PDCD6IP: variants seen among roughly 807,000 people sequenced by gnomAD.
PDCD6IP encodes programmed cell death 6 interacting protein.
A neutral mutation model predicts 103.7 loss-of-function variants in PDCD6IP; 43 were observed. The ratio of observed to expected loss-of-function variants is 0.41; its 90% CI spans 0.32 to 0.53. The LOEUF (loss-of-function observed/expected upper bound fraction) is 0.53, where lower values mean the gene tolerates loss of function less well. PDCD6IP is among the 20% of genes least tolerant of loss of function. The probability of loss-of-function intolerance (pLI) is 0.16; values close to 1 mark genes in which losing one functional copy is unlikely to be tolerated. For synonymous variants in PDCD6IP, 354 were observed against 378.7 expected (o/e 0.93, Z 0.76); for missense variants, 871 against 1,036.7 (o/e 0.84, Z 2.20).
rs1327449115 is a variant in PDCD6IP, at chr3:33,867,946, A to G, written c.*1421A>G. The G allele has an allele frequency of 1.3e-5, 2 of 152,328 alleles. No individual in the cohort carries two copies. The highest frequency in any genetic ancestry group is 2.9e-5 in the Non-Finnish European group (2 of 68,024). 9.4% of individuals were successfully genotyped at this position (152,328 alleles called of 1,614,324 possible). ...ATATTTTAAATGTTCGAATGAAAGT[A>G]TGATTGTAAAAGGGAGTGAATTGGT... On this transcript the variant is annotated 3_prime_UTR_variant, in exon 18 of 18. Coordinates refer to ENST00000307296, the MANE Select transcript of PDCD6IP (RefSeq NM_013374.6).
intron 12 of PDCD6IP, among the ~76,000 whole-genome samples, chr3:33,847,679 T>C (rs1003207652): frequency 7.9e-5 from 12 of 152,368 alleles, no homozygotes; most frequent in Middle Eastern, 3.4e-3. Flanking sequence ...TGGTTACTTA[T>C]TTTCAGTCTC....
Position 33,869,463 on chromosome 3 carries a change from A to G in PDCD6IP, c.*2938A>G, listed in dbSNP as rs1698139555. On this transcript the variant is annotated 3_prime_UTR_variant, in exon 18 of 18. Coordinates refer to ENST00000307296, the MANE Select transcript of PDCD6IP (RefSeq NM_013374.6). ...TTAAGATTTACTTGGAAGAGCAAAG[A>G]AGGAAAAATTATATTTTTAAAGAAA... 6.6e-6 allele frequency: 1 copy of G among 152,236 alleles called. No homozygotes were observed. The highest frequency in any genetic ancestry group is 2.4e-5 in the African/African-American group (1 of 41,450). The allele number at this position is 152,236 out of a possible 1,614,324, so 9.4% of individuals were successfully genotyped here. A position where few individuals can be genotyped will look rare whatever the true frequency, so the allele number is the denominator to read the frequency against.
At chr3:33,861,000 T>TAA (rs202127648) in intron 15 of PDCD6IP, among the ~76,000 whole-genome samples, 1 of 146,276 alleles carries the variant, frequency 6.8e-6, no homozygotes. Context: ...TAGCCGTAGT[T>TAA]AAAAAAAAAA....
chr3:33,818,097 GTTTTTTTTTTT>G (rs756780125), intron 3 of PDCD6IP, among the ~76,000 whole-genome samples: 11 of 68,084 alleles, frequency 1.6e-4, no homozygotes, highest in East Asian at 5.2e-4. Flanking sequence ...TTTCATTCTT[GTTTTTTTTTTT>G]TTTTTTTTTT....
intron 1 of PDCD6IP, among the ~76,000 whole-genome samples, chr3:33,799,743 A>G (rs1477916758): frequency 2.0e-5 from 3 of 152,202 alleles, no homozygotes; most frequent in Non-Finnish European, 2.9e-5. Context: ...TCCGTATAGT[A>G]TATTCTACTT....
At chr3:33,859,862 G>T (rs886394115) in intron 15 of PDCD6IP, among the ~76,000 whole-genome samples, 3 of 152,194 alleles carry the variant, frequency 2.0e-5, no homozygotes, top group South Asian at 4.1e-4. Context: ...TGCTAGAAAT[G>T]ACATATTTAT....
intron 17 of PDCD6IP, 23 bp from the exon 18 acceptor site, chr3:33,866,328 A>T (rs772968212): frequency 3.6e-6 from 5 of 1,402,570 alleles, no homozygotes; most frequent in Non-Finnish European, 9.5e-7. Context: ...ACCAATCAAG[A>T]TTTTTCTGTT....
chr3:33,868,581 T>A lies in PDCD6IP; in HGVS notation c.*2056T>A, dbSNP rs1056235013. 1 of 152,424 alleles carries A rather than the reference T, an allele frequency of 6.6e-6. No individual in the cohort carries two copies. The highest frequency in any genetic ancestry group is 1.5e-5 in the Non-Finnish European group (1 of 68,082). 9.4% of individuals were successfully genotyped at this position (152,424 alleles called of 1,614,324 possible). On this transcript the variant is annotated 3_prime_UTR_variant, in exon 18 of 18. Transcript: ENST00000307296. ...CCCTCTTGTCAGTTCACTCATCCTTTGGTTTCTTTTTAATCACCTGTGTCT... is the reference window on the plus strand; with the variant it reads ...CCCTCTTGTCAGTTCACTCATCCTTAGGTTTCTTTTTAATCACCTGTGTCT...
chr3:33,841,587 C>T (rs4679090), intron 9 of PDCD6IP, among the ~76,000 whole-genome samples: 43,859 of 150,362 alleles, frequency 0.29, 6,563 homozygotes, highest in East Asian at 0.41. Flanking sequence ...TACAGGCGCC[C>T]GCCACCACGC....
At chr3:33,818,235 G>C (rs1696903109) in intron 3 of PDCD6IP, among the ~76,000 whole-genome samples, 2 of 150,664 alleles carry the variant, frequency 1.3e-5, no homozygotes, top group Non-Finnish European at 2.9e-5. Flanking sequence ...AGCCTCCTGA[G>C]TAGCTGGGAT....
intron 1 of PDCD6IP, 71 bp downstream of exon 1, chr3:33,799,008 C>A (rs1007787796): frequency 4.7e-5 from 63 of 1,344,034 alleles, no homozygotes; most frequent in Admixed American, 6.9e-5. Context: ...CCGTCTCCCC[C>A]CTTCCTTCAA....
In PDCD6IP at chr3:33,813,627, G is replaced by C. The variant is rs1295568727; in HGVS notation, c.333G>C (p.Leu111=). 6.4e-7 allele frequency: 1 copy of C among 1,569,026 alleles called. No homozygotes were observed. Among genetic ancestry groups the C allele is most frequent in the African/African-American group, 1.4e-5 (1 of 74,058 alleles). ...CACTTTTTGGAGGCTCTGTAAAACT[G>C]GGTATGTAATTTTTAATAAAAGTGA... The part of the protein sequence containing the change: ...KGSLFGGSVK[L]ALASLGYEKS... Residue 111 remains leucine (L), a splice_region_variant and synonymous_variant, in exon 3 of 18, where the codon CTG becomes CTC. Transcript: ENST00000307296.
intron 1 of PDCD6IP, 103 bp downstream of exon 1, chr3:33,799,040 G>A: frequency 2.6e-6 from 3 of 1,140,320 alleles, no homozygotes; most frequent in Non-Finnish European, 3.6e-6. Context: ...GGGCGGAGCC[G>A]CCCCGTCCCG....
In PDCD6IP at chr3:33,838,520, A is replaced by G. The variant is rs184731327; in HGVS notation, c.1181+193A>G. ...AGCAAATATAGTTGGAAGAAATTATAGAAACAAGGTGAGGATATGAGGACT... is the reference window on the plus strand; with the variant it reads ...AGCAAATATAGTTGGAAGAAATTATGGAAACAAGGTGAGGATATGAGGACT... On this transcript the variant is annotated intron_variant, in intron 9 of 17. Transcript: ENST00000307296. Among the ~76,000 whole-genome samples the G allele has an allele frequency of 6.2e-4, 94 of 152,278 alleles. 1 individual carries two copies. In the Middle Eastern group the frequency reaches 0.014, roughly 22 times the overall value.
rs367637102 is a variant in PDCD6IP at position 33,865,317 on chromosome 3, T to C, written c.2319T>C (p.Ala773=). 4.9e-5 allele frequency: 78 copies of C among 1,594,686 alleles called. No homozygotes were observed. Among genetic ancestry groups the C allele is most frequent in the Non-Finnish European group, 6.5e-5 (76 of 1,171,580 alleles). ...CAAATCGAGCTCCTTCTGCTACTGC[T>C]CCATCTCCAGTGGGGGCTGGGACTG... ...LPANRAPSAT[A]PSPVGAGTAA... The change falls in exon 17 of 18, where the codon GCT becomes GCC. Residue 773 remains alanine (A), a synonymous_variant. Transcript: ENST00000307296.
chr3:33,843,999 G>A (rs1697533225), intron 10 of PDCD6IP, 113 bp from the exon 11 acceptor site: 1 of 598,234 alleles, frequency 1.7e-6, no homozygotes, highest in African/African-American at 2.0e-5. Context: ...TTCTAACCTA[G>A]TATTCCCATC....
chr3:33,867,953 T>C lies in PDCD6IP; in HGVS notation c.*1428T>C, dbSNP rs960639148. 1 of 152,194 alleles carries C rather than the reference T, an allele frequency of 6.6e-6. No homozygotes were observed. Among genetic ancestry groups the C allele is most frequent in the African/African-American group, 2.4e-5 (1 of 41,454 alleles). The allele number at this position is 152,194 out of a possible 1,614,324, so 9.4% of individuals were successfully genotyped here. ...AAATGTTCGAATGAAAGTATGATTG[T>C]AAAAGGGAGTGAATTGGTTTAAAAA... On this transcript the variant is annotated 3_prime_UTR_variant, in exon 18 of 18. Coordinates refer to ENST00000307296, the MANE Select transcript of PDCD6IP (RefSeq NM_013374.6).
At chr3:33,804,146 G>A (rs1696539623) in intron 1 of PDCD6IP, among the ~76,000 whole-genome samples, 1 of 152,200 alleles carries the variant, frequency 6.6e-6, no homozygotes, top group African/African-American at 2.4e-5. Context: ...GGTTTGAAGG[G>A]TGAGTAAAGC....
intron 15 of PDCD6IP, chr3:33,863,788 G>A (rs1044214814): frequency 1.9e-6 from 1 of 521,850 alleles, no homozygotes; most frequent in African/African-American, 1.9e-5. Flanking sequence ...CAGTGGGATT[G>A]TTGGATCATA....
Sources: allele counts gnomAD v4.1 joint callset (sites outside exome capture counted in the v4.1 genomes callset), GRCh38; gene constraint gnomAD v4.1.1; transcripts MANE v1.5; gene names NCBI Gene and HGNC (gene_info 2026-07-23, HGNC 2026-07-21).